Variants in RIMS2 observed in about 807,000 individuals in gnomAD.
The protein encoded by RIMS2 is regulating synaptic membrane exocytosis 2.
In RIMS2, 59 loss-of-function variants were observed where a neutral mutation model predicts 174.4. The ratio of observed to expected loss-of-function variants is 0.34; its 90% confidence interval spans 0.27 to 0.42. The LOEUF is 0.42. RIMS2 is among the 10% of genes least tolerant of loss of function. The pLI is 1.00. For missense variants in RIMS2, 1,620 were observed against 1,666.3 expected, an observed-to-expected ratio of 0.97 and a Z score of 0.48; for synonymous variants, 606 against 572.5, an observed-to-expected ratio of 1.06 and a Z score of -0.84.
At chr8:103,602,607 T>A (rs970011692) in intron 1 of RIMS2, among the ~76,000 whole-genome samples, 2 of 152,198 alleles carry the variant, frequency 1.3e-5, no homozygotes, top group African/African-American at 4.8e-5. Flanking sequence ...GGCTTTCAGC[T>A]CCATCCATAT....
chr8:103,738,924 G>A (rs1466279137), intron 2 of RIMS2, among the ~76,000 whole-genome samples: 1 of 152,100 alleles, frequency 6.6e-6, no homozygotes, highest in Non-Finnish European at 1.5e-5. Flanking sequence ...CTTTTACACT[G>A]TTGGTGGGAC....
intron 10 of RIMS2, among the ~76,000 whole-genome samples, chr8:103,926,069 C>G (rs2078715428): frequency 6.6e-6 from 1 of 151,368 alleles, no homozygotes; most frequent in African/African-American, 2.4e-5. Flanking sequence ...CATTTTAGAA[C>G]ATGGAAAAAT....
intron 15 of RIMS2, among the ~76,000 whole-genome samples, chr8:103,970,194 G>GT (rs752285419): frequency 5.3e-5 from 8 of 152,160 alleles, no homozygotes; most frequent in Non-Finnish European, 1.0e-4. Context: ...TTAGGTCTCA[G>GT]TCTTAGTGAG....
chr8:104,023,450 G>T (rs12156425), intron 19 of RIMS2, among the ~76,000 whole-genome samples: 34,398 of 152,054 alleles, frequency 0.23, 4,471 homozygotes, highest in Non-Finnish European at 0.28. Context: ...GCTGGATTCT[G>T]AATAGATATT....
At chr8:103,535,964 T>C (rs1839557078) in intron 1 of RIMS2, among the ~76,000 whole-genome samples, 1 of 152,200 alleles carries the variant, frequency 6.6e-6, no homozygotes, top group African/African-American at 2.4e-5. Flanking sequence ...AGGTAGTATG[T>C]TAAAAGCCAA....
chr8:104,060,949 C>T (rs10095342), intron 19 of RIMS2, among the ~76,000 whole-genome samples: 61,738 of 151,604 alleles, frequency 0.41, 12,886 homozygotes, highest in African/African-American at 0.45. Flanking sequence ...TTGTTATAAT[C>T]TCTGTTCTTT....
intron 19 of RIMS2, among the ~76,000 whole-genome samples, chr8:104,204,617 C>T (rs905812269): frequency 6.6e-6 from 1 of 152,010 alleles, no homozygotes; most frequent in Non-Finnish European, 1.5e-5. Flanking sequence ...ACCTCAACCT[C>T]TAGAGCACCT....
At chr8:104,043,726 A>G (rs2096647649) in intron 19 of RIMS2, among the ~76,000 whole-genome samples, 1 of 151,746 alleles carries the variant, frequency 6.6e-6, no homozygotes, top group Admixed American at 6.6e-5. Context: ...ACAATTCCAA[A>G]TAATGTGAAG....
At chr8:103,838,899 A>T (rs1236503115) in intron 3 of RIMS2, among the ~76,000 whole-genome samples, 2 of 152,164 alleles carry the variant, frequency 1.3e-5, no homozygotes, top group Non-Finnish European at 2.9e-5. Flanking sequence ...CCCCGTCTCT[A>T]CTAAAAATAC....
At chr8:103,935,261 G>A (rs1323784943) in intron 12 of RIMS2, among the ~76,000 whole-genome samples, 1 of 151,988 alleles carries the variant, frequency 6.6e-6, no homozygotes, top group African/African-American at 2.4e-5. Flanking sequence ...CTCCTACATG[G>A]GTTTGCATTG....
rs1343104793 is a variant in RIMS2, at chr8:104,015,428, T to G, written c.3334+813T>G. ...TTTTTATTTTGTTTTCCCTAGACAA[T>G]GGAGTCAAGGAGATAGAACCTTATG... On this transcript the variant is annotated intron_variant, in intron 19 of 23. Transcript: ENST00000504942. 4.2e-6 allele frequency: 3 copies of G among 707,574 alleles called. No homozygotes were observed. The Admixed American group carries it at 6.0e-5, about 14-fold the overall frequency. The allele number at this position is 707,574 out of a possible 1,614,324, so 43.8% of individuals were successfully genotyped here.
At chr8:103,718,758 C>T (rs980585581) in intron 2 of RIMS2, among the ~76,000 whole-genome samples, 5 of 152,028 alleles carry the variant, frequency 3.3e-5, no homozygotes, top group Non-Finnish European at 7.4e-5. Context: ...ATCTCCACCT[C>T]CCGAGTTCAA....
At chr8:103,741,910 ATAAG>A (rs1486600228) in intron 2 of RIMS2, among the ~76,000 whole-genome samples, 3 of 152,098 alleles carry the variant, frequency 2.0e-5, no homozygotes, top group Admixed American at 2.0e-4. Flanking sequence ...TGCGATTTAA[ATAAG>A]TATGTTAATA....
chr8:103,585,445 C>T (rs9918886), intron 1 of RIMS2, among the ~76,000 whole-genome samples: 27,720 of 151,976 alleles, frequency 0.18, 2,778 homozygotes, highest in African/African-American at 0.26. Flanking sequence ...ATGTTTATTG[C>T]GGCACTATTT....
chr8:104,014,744 T>A, intron 19 of RIMS2, 129 bp downstream of exon 21: 1 of 458,926 alleles, frequency 2.2e-6, no homozygotes, highest in East Asian at 3.2e-5. Context: ...TATTTGATAA[T>A]AGTTATATTT....
chr8:104,093,608 C>G, intron 19 of RIMS2: 3 of 1,597,082 alleles, frequency 1.9e-6, no homozygotes, highest in Non-Finnish European at 2.5e-6. Context: ...ACATGTCTGT[C>G]CAATCAGAAC....
chr8:104,155,554 C>T (rs2098718177), intron 19 of RIMS2, among the ~76,000 whole-genome samples: 1 of 151,132 alleles, frequency 6.6e-6, no homozygotes. Context: ...GCTGGGATTA[C>T]AGGCGCCCAC....
intron 3 of RIMS2, chr8:103,768,249 G>T (rs767984146): frequency 6.1e-6 from 3 of 487,892 alleles, no homozygotes; most frequent in East Asian, 4.0e-5. Context: ...GCTCTTTTTC[G>T]TGGTGCCTTG....
intron 1 of RIMS2, among the ~76,000 whole-genome samples, chr8:103,601,608 T>A (rs1458047557): frequency 2.6e-5 from 4 of 152,156 alleles, no homozygotes; most frequent in Non-Finnish European, 5.9e-5. Flanking sequence ...GAGTTTTTTT[T>A]TCATCTATTC....
Sources: allele counts gnomAD v4.1 joint callset (sites outside exome capture counted in the v4.1 genomes callset), GRCh38; gene constraint gnomAD v4.1.1; transcripts MANE v1.5; gene names NCBI Gene and HGNC (gene_info 2026-07-23, HGNC 2026-07-21).